ERC2: variants seen among roughly 807,000 people sequenced by gnomAD.
ERC2 encodes the protein ELKS/RAB6-interacting/CAST family member 2.
Under a neutral mutation model 114.8 loss-of-function variants are expected in ERC2, and 42 were observed. That is an observed-to-expected ratio of 0.37 (90% confidence interval 0.29 to 0.47). ERC2 has a LOEUF of 0.47. Among genes scored for constraint, ERC2 ranks in the 20% least tolerant of loss-of-function variants. ERC2 has a pLI of 0.99. For synonymous variants in ERC2, 454 were observed against 425.5 expected, an observed-to-expected ratio of 1.07 and a Z score of -0.82; for missense variants, 939 against 1,150.7, an observed-to-expected ratio of 0.82 and a Z score of 2.66.
At chr3:55,673,717 C>CA (rs1265572913) in intron 17 of ERC2, among the ~76,000 whole-genome samples, 12 of 151,680 alleles carry the variant, frequency 7.9e-5, no homozygotes, top group Non-Finnish European at 1.5e-4. Context: ...AAACCCAACA[C>CA]AAAACAGCAG....
intron 17 of ERC2, among the ~76,000 whole-genome samples, chr3:55,614,185 G>C (rs2148576728): frequency 6.6e-6 from 1 of 152,090 alleles, no homozygotes; most frequent in Non-Finnish European, 1.5e-5. Context: ...GGCTCTTTTA[G>C]GATCTGAAGC....
chr3:55,775,609 G>C (rs915867886), intron 14 of ERC2, among the ~76,000 whole-genome samples: 6 of 151,624 alleles, frequency 4.0e-5, no homozygotes, highest in Non-Finnish European at 8.8e-5. Context: ...GACAGACAGA[G>C]AGAGTAAGGA....
chr3:56,242,251 G>GCT (rs1342194748), intron 3 of ERC2, among the ~76,000 whole-genome samples: 1 of 152,114 alleles, frequency 6.6e-6, no homozygotes, highest in African/African-American at 2.4e-5. Flanking sequence ...TCATTTATAA[G>GCT]TGGGAGGTAA....
intron 1 of ERC2, among the ~76,000 whole-genome samples, chr3:56,448,119 T>C (rs539238051): frequency 1.3e-5 from 2 of 152,202 alleles, no homozygotes; most frequent in East Asian, 3.9e-4. Context: ...ATTATCAGCA[T>C]CCCCAAAGCC....
intron 3 of ERC2, among the ~76,000 whole-genome samples, chr3:56,223,479 A>G (rs1230838993): frequency 6.6e-6 from 1 of 151,498 alleles, no homozygotes; most frequent in East Asian, 1.9e-4. Flanking sequence ...ATGAATTAAT[A>G]AAAGGACAAC....
At chr3:56,459,252 C>A (rs2063202097) in intron 1 of ERC2, among the ~76,000 whole-genome samples, 1 of 152,200 alleles carries the variant, frequency 6.6e-6, no homozygotes, top group African/African-American at 2.4e-5. Context: ...CTCTTTCTTA[C>A]TGCAATTAGT....
chr3:56,053,146 T>C (rs1180666877), intron 7 of ERC2, among the ~76,000 whole-genome samples: 1 of 152,164 alleles, frequency 6.6e-6, no homozygotes, highest in Non-Finnish European at 1.5e-5. Flanking sequence ...TTGTTATGAT[T>C]ATAAGCCCTG....
chr3:55,805,119 C>T (rs2059440108), intron 14 of ERC2, among the ~76,000 whole-genome samples: 1 of 152,036 alleles, frequency 6.6e-6, no homozygotes, highest in Admixed American at 6.6e-5. Flanking sequence ...TTATTGAGTA[C>T]TTACTGCCAA....
intron 14 of ERC2, among the ~76,000 whole-genome samples, chr3:55,758,643 C>T (rs1004832523): frequency 2.6e-5 from 4 of 152,180 alleles, no homozygotes; most frequent in Non-Finnish European, 4.4e-5. Context: ...CAAGGGCTGG[C>T]GTTCAGACAA....
chr3:55,654,141 AC>A (rs1256041479), intron 17 of ERC2, among the ~76,000 whole-genome samples: 1 of 152,270 alleles, frequency 6.6e-6, no homozygotes, highest in Non-Finnish European at 1.5e-5. Context: ...CAAAAGAAAC[AC>A]ACAGGTCTCA....
intron 17 of ERC2, among the ~76,000 whole-genome samples, chr3:55,545,608 C>T (rs1044895001): frequency 1.3e-5 from 2 of 152,192 alleles, no homozygotes; most frequent in South Asian, 2.1e-4. Flanking sequence ...GGAGACACTC[C>T]AAGAAGCACT....
chr3:56,029,028 G>A (rs141329870), intron 7 of ERC2, among the ~76,000 whole-genome samples: 42 of 152,120 alleles, frequency 2.8e-4, no homozygotes, highest in Non-Finnish European at 3.2e-4. Flanking sequence ...ATTGAATTGT[G>A]TAAAGTGCTT....
At chr3:55,833,544 C>T (rs1447948569) in intron 14 of ERC2, among the ~76,000 whole-genome samples, 1 of 152,176 alleles carries the variant, frequency 6.6e-6, no homozygotes, top group Non-Finnish European at 1.5e-5. Flanking sequence ...AACTCCTTTA[C>T]AGACAAGCAA....
At chr3:55,934,100 G>A (rs544634108) in intron 13 of ERC2, among the ~76,000 whole-genome samples, 3 of 152,230 alleles carry the variant, frequency 2.0e-5, no homozygotes, top group East Asian at 1.9e-4. Context: ...CTATATACGC[G>A]CATATATACC....
chr3:55,753,826 C>G, intron 14 of ERC2, among the ~76,000 whole-genome samples: 1 of 152,172 alleles, frequency 6.6e-6, no homozygotes, highest in East Asian at 1.9e-4. Context: ...TCTAAATGCA[C>G]CAAACTTGCA....
chr3:55,513,482 T>C (rs570870969), intron 17 of ERC2, among the ~76,000 whole-genome samples: 23 of 152,182 alleles, frequency 1.5e-4, no homozygotes, highest in Non-Finnish European at 3.1e-4. Flanking sequence ...CAGTTTCAGC[T>C]TGGATGTCAT....
chr3:56,048,275 G>A (rs2075579734), intron 7 of ERC2, among the ~76,000 whole-genome samples: 1 of 152,162 alleles, frequency 6.6e-6, no homozygotes, highest in Admixed American at 6.5e-5. Flanking sequence ...GCCAGGCACT[G>A]TTTGCTGATT....
chr3:55,869,711 CA>C (rs1248129109), intron 14 of ERC2, among the ~76,000 whole-genome samples: 2 of 152,116 alleles, frequency 1.3e-5, no homozygotes, highest in Non-Finnish European at 2.9e-5. Flanking sequence ...CTTATCCCAC[CA>C]ACTTCCTTAT....
At chr3:56,389,402 G>A (rs1297841240) in intron 2 of ERC2, among the ~76,000 whole-genome samples, 1 of 152,132 alleles carries the variant, frequency 6.6e-6, no homozygotes, top group Non-Finnish European at 1.5e-5. Flanking sequence ...ACAAAGCAGT[G>A]CCTACGATTT....
Sources: allele counts gnomAD v4.1 joint callset (sites outside exome capture counted in the v4.1 genomes callset), GRCh38; gene constraint gnomAD v4.1.1; transcripts MANE v1.5; gene names NCBI Gene and HGNC (gene_info 2026-07-23, HGNC 2026-07-21).